COL24A1: variants seen among roughly 807,000 people sequenced by gnomAD.
COL24A1 encodes collagen alpha-1(XXIV) chain.
COL24A1 carries 224 observed loss-of-function variants against 253.9 expected under a neutral mutation model. The observed-to-expected ratio is 0.88, with a 90% CI of 0.79 to 0.99. COL24A1 has a LOEUF of 0.99. COL24A1 is among the 50% of genes least tolerant of loss of function. The pLI is 0.00. For missense variants in COL24A1, 2,131 were observed against 2,068.5 expected (o/e 1.03, Z -0.59); for synonymous variants, 685 against 673.7 (o/e 1.02, Z -0.26).
chr1:85,792,890 A>G (rs184610428), intron 47 of COL24A1, among the ~76,000 whole-genome samples: 152 of 152,228 alleles, frequency 1.0e-3, no homozygotes, highest in East Asian at 6.2e-3. Flanking sequence ...ATCAGAAAAG[A>G]AATTAGTGAG....
chr1:85,768,195 G>A (rs1421139377), intron 53 of COL24A1, among the ~76,000 whole-genome samples: 1 of 152,118 alleles, frequency 6.6e-6, no homozygotes, highest in Non-Finnish European at 1.5e-5. Context: ...AAGGAGGTTA[G>A]TGTAGGTGGC....
chr1:85,775,356 G>T (rs1222105020), intron 53 of COL24A1, among the ~76,000 whole-genome samples: 1 of 152,100 alleles, frequency 6.6e-6, no homozygotes, highest in Non-Finnish European at 1.5e-5. Flanking sequence ...TGTTGATTTG[G>T]GGTGGAGAGT....
intron 53 of COL24A1, among the ~76,000 whole-genome samples, chr1:85,769,443 C>T (rs1165431637): frequency 6.6e-6 from 1 of 151,872 alleles, no homozygotes; most frequent in Non-Finnish European, 1.5e-5. Flanking sequence ...AGAACACGTG[C>T]CAGGCATTGT....
At chr1:85,823,084 G>A (rs1480619363) in intron 45 of COL24A1, among the ~76,000 whole-genome samples, 1 of 152,084 alleles carries the variant, frequency 6.6e-6, no homozygotes, top group Non-Finnish European at 1.5e-5. Context: ...TGCAGTGGTC[G>A]CTATACCTAT....
chr1:85,972,829 A>G (rs1264763371), intron 20 of COL24A1, among the ~76,000 whole-genome samples: 2 of 150,890 alleles, frequency 1.3e-5, no homozygotes, highest in African/African-American at 2.4e-5. Flanking sequence ...TAGCATTAAG[A>G]ATGAGGTAAA....
At chr1:85,786,992 C>T (rs775829200) in intron 47 of COL24A1, among the ~76,000 whole-genome samples, 6 of 152,154 alleles carry the variant, frequency 3.9e-5, no homozygotes, top group Non-Finnish European at 8.8e-5. Flanking sequence ...AGTCCATCAC[C>T]TGTTTTTGTA....
intron 12 of COL24A1, among the ~76,000 whole-genome samples, chr1:86,039,833 G>A (rs1450336184): frequency 3.3e-5 from 5 of 152,102 alleles, no homozygotes; most frequent in Non-Finnish European, 5.9e-5. Context: ...ATCACTACAG[G>A]AAGAGGCTGG....
chr1:85,770,663 A>G (rs1008731420), intron 53 of COL24A1, among the ~76,000 whole-genome samples: 8 of 152,236 alleles, frequency 5.3e-5, no homozygotes, highest in African/African-American at 1.9e-4. Context: ...TCTATACAAT[A>G]AAAAACTTAT....
chr1:85,991,617 GA>G (rs1172127508), intron 19 of COL24A1, among the ~76,000 whole-genome samples: 3 of 152,068 alleles, frequency 2.0e-5, no homozygotes, highest in African/African-American at 7.2e-5. Context: ...AAAACGGTAA[GA>G]AAAAATTTGC....
At chr1:86,107,413 G>A (rs1054134661) in intron 5 of COL24A1, among the ~76,000 whole-genome samples, 2 of 152,056 alleles carry the variant, frequency 1.3e-5, no homozygotes, top group African/African-American at 2.4e-5. Context: ...TATTAATTCC[G>A]ATTATTCTAG....
In COL24A1 at chr1:85,868,570, G is replaced by C; in HGVS notation, c.3249C>G (p.Gly1083=). Residue 1083 remains glycine (G), a synonymous_variant, in exon 37 of 60, where the codon GGC becomes GGG. Transcript: ENST00000370571. The stretch of plus-strand genomic sequence containing the variant: ...CCAAGGGTCCTATAATTCCTGGTAA[G>C]CCCATCTCTCCTTTTTCTCCATCCT... ...PGEDGEKGEM[G]LPGIIGPLGR... is the part of the protein sequence containing the mutation. 1 of 1,613,924 alleles carries C rather than the reference G, an allele frequency of 6.2e-7. No individual in the cohort carries two copies. The highest frequency in any genetic ancestry group is 8.5e-7 in the Non-Finnish European group (1 of 1,179,896).
intron 45 of COL24A1, among the ~76,000 whole-genome samples, chr1:85,819,411 T>A (rs1673373358): frequency 6.6e-6 from 1 of 152,212 alleles, no homozygotes; most frequent in African/African-American, 2.4e-5. Context: ...TTTACAGTAT[T>A]TCTTTTTATG....
intron 24 of COL24A1, among the ~76,000 whole-genome samples, chr1:85,951,814 T>C (rs1199103827): frequency 6.6e-6 from 1 of 152,200 alleles, no homozygotes; most frequent in Non-Finnish European, 1.5e-5. Context: ...GTGCTGAGCA[T>C]AACAACCTTG....
Position 85,986,373 on chromosome 1 carries a change from A to G in COL24A1, c.2364+1228T>C, listed in dbSNP as rs1693723956. Among the ~76,000 whole-genome samples, 5 of 151,726 alleles carry G rather than the reference A, an allele frequency of 3.3e-5. No homozygotes were observed. The Middle Eastern group carries it at 0.017, about 516-fold the overall frequency. ...CTCCCCTCTTTAAACCATCCTCCAAACTGACATAAGAGGTATCTTTTTAAA... is the reference window on the plus strand; with the variant it reads ...CTCCCCTCTTTAAACCATCCTCCAAGCTGACATAAGAGGTATCTTTTTAAA... On this transcript the variant is annotated intron_variant, in intron 20 of 59. Coordinates refer to ENST00000370571, the MANE Select transcript of COL24A1 (RefSeq NM_152890.7).
chr1:85,859,851 T>C (rs1678933492), intron 37 of COL24A1, among the ~76,000 whole-genome samples: 1 of 152,192 alleles, frequency 6.6e-6, no homozygotes, highest in African/African-American at 2.4e-5. Context: ...ATTTTTTTGG[T>C]GTGTGCCTAT....
intron 22 of COL24A1, among the ~76,000 whole-genome samples, chr1:85,966,834 AAG>A (rs1301233477): frequency 1.3e-5 from 2 of 152,168 alleles, no homozygotes; most frequent in African/African-American, 4.8e-5. Flanking sequence ...GAAAAACTGA[AAG>A]AGCATGTATA....
chr1:85,733,715 G>C (rs532603754), intron 59 of COL24A1, among the ~76,000 whole-genome samples: 2 of 151,890 alleles, frequency 1.3e-5, no homozygotes, highest in African/African-American at 4.8e-5. Flanking sequence ...GAGTAGCTGG[G>C]ATTATTGGCG....
At chr1:85,811,654 A>T (rs1672554380) in intron 47 of COL24A1, among the ~76,000 whole-genome samples, 1 of 152,146 alleles carries the variant, frequency 6.6e-6, no homozygotes, top group African/African-American at 2.4e-5. Flanking sequence ...TAGCATCCTA[A>T]CATGTGTGAC....
intron 18 of COL24A1, 143 bp downstream of exon 18, chr1:86,022,097 T>C (rs960783846): frequency 1.3e-6 from 1 of 748,420 alleles, no homozygotes; most frequent in Non-Finnish European, 2.3e-6. Flanking sequence ...GTGAACTGAA[T>C]ACCTGAGGGA....
Sources: gnomAD v4.1 joint callset for allele counts (sites outside exome capture counted in the v4.1 genomes callset) on GRCh38, gnomAD v4.1.1 for gene constraint, MANE v1.5 for transcripts, NCBI Gene and HGNC (gene_info 2026-07-23, HGNC 2026-07-21) for gene names.